The following SELENOF variants were observed in gnomAD, a reference collection of about 807,000 sequenced individuals.
The protein encoded by SELENOF is 15 kDa selenoprotein.
SELENOF carries 16 observed loss-of-function variants against 20.5 expected under a neutral mutation model. That is an observed-to-expected ratio of 0.78 (90% CI 0.53 to 1.19). SELENOF has a LOEUF of 1.19. SELENOF is among the 50% of genes most tolerant of loss of function. The probability of loss-of-function intolerance (pLI) is 0.00; values close to 1 mark genes in which losing one functional copy is unlikely to be tolerated. For missense variants in SELENOF, 215 were observed against 194.2 expected (o/e 1.11, Z -0.64); for synonymous variants, 78 against 74.5 (o/e 1.05, Z -0.24).
intron 1 of SELENOF, among the ~76,000 whole-genome samples, chr1:86,909,491 A>C (rs1473215848): frequency 6.6e-6 from 1 of 152,212 alleles, no homozygotes; most frequent in Non-Finnish European, 1.5e-5. Context: ...TGGAGCAACA[A>C]CACAAATGAA....
At chr1:86,864,097 A>G (rs1000831523) in intron 4 of SELENOF, among the ~76,000 whole-genome samples, 1 of 152,264 alleles carries the variant, frequency 6.6e-6, no homozygotes, top group Non-Finnish European at 1.5e-5. Context: ...ATGGAGGCAG[A>G]CAAGTTCAAA....
intron 1 of SELENOF, among the ~76,000 whole-genome samples, chr1:86,908,687 G>C (rs1659894041): frequency 6.6e-6 from 1 of 152,124 alleles, no homozygotes; most frequent in African/African-American, 2.4e-5. Context: ...GAAATGGAGT[G>C]GGGGGCATCT....
chr1:86,882,807 C>T (rs979967260), intron 2 of SELENOF, among the ~76,000 whole-genome samples: 1 of 152,166 alleles, frequency 6.6e-6, no homozygotes, highest in Admixed American at 6.5e-5. Context: ...ATACATACAA[C>T]AGAGCATTAT....
In SELENOF at chr1:86,886,682, C is replaced by T. The variant is rs537104047; in HGVS notation, c.253-5957G>A. 3.9e-5 allele frequency among the ~76,000 whole-genome samples: 6 copies of T among 152,060 alleles called. No homozygotes were observed. In the South Asian group the frequency reaches 1.0e-3, roughly 26 times the overall value. On this transcript the variant is annotated intron_variant, in intron 2 of 4. Coordinates refer to ENST00000331835, the MANE Select transcript of SELENOF (RefSeq NM_004261.5). ...ACCATTAGCATAATAATTATAAATG[C>T]TATGTAGCAATATGAAGAAAATGCT...
intron 1 of SELENOF, among the ~76,000 whole-genome samples, chr1:86,904,222 C>T (rs981353285): frequency 1.3e-5 from 2 of 152,190 alleles, no homozygotes; most frequent in East Asian, 1.9e-4. Flanking sequence ...GGCAAGAGCA[C>T]GCCAGAATTC....
At position 86,880,745 on chromosome 1, in the gene SELENOF, A is replaced by T. The variant is rs1659046710; in HGVS notation, c.253-20T>A. On this transcript the variant is annotated intron_variant, in intron 2 of 4. Transcript: ENST00000331835. ...ATACAGCTACAAAAGGAAAAACAGG[A>T]ATTTAAAAAACTGGTATAAATTAAA... 2 of 1,494,384 alleles carry T rather than the reference A, an allele frequency of 1.3e-6. No homozygotes were observed. The highest frequency in any genetic ancestry group is 4.3e-5 in the Admixed American group (2 of 46,002). The allele number at this position is 1,494,384 out of a possible 1,614,324, so 92.6% of individuals were successfully genotyped here. A position where few individuals can be genotyped will look rare whatever the true frequency, so the allele number is the denominator to read the frequency against.
chr1:86,903,010 A>C (rs1478645702), intron 2 of SELENOF, among the ~76,000 whole-genome samples: 1 of 152,222 alleles, frequency 6.6e-6, no homozygotes, highest in Non-Finnish European at 1.5e-5. Flanking sequence ...AGTTAGGAAG[A>C]CTGGAGAACT....
chr1:86,880,524 A>AC (rs5775923), intron 3 of SELENOF, 138 bp downstream of exon 3: 40,350 of 513,356 alleles, frequency 0.079, 2,598 homozygotes, highest in African/African-American at 0.25. Flanking sequence ...CCATGAAAAC[A>AC]AATTGAAAAA....
At chr1:86,879,535 T>C (rs888410536) in intron 3 of SELENOF, among the ~76,000 whole-genome samples, 1 of 152,194 alleles carries the variant, frequency 6.6e-6, no homozygotes, top group Non-Finnish European at 1.5e-5. Flanking sequence ...CATGTGCTAA[T>C]ACAGGCAATG....
chr1:86,907,911 G>A (rs914045288), intron 1 of SELENOF, among the ~76,000 whole-genome samples: 9 of 151,904 alleles, frequency 5.9e-5, no homozygotes, highest in South Asian at 2.1e-4. Flanking sequence ...GCTTGAACCC[G>A]GGAGGCGGAG....
At chr1:86,894,782 A>T (rs1474955698) in intron 2 of SELENOF, among the ~76,000 whole-genome samples, 1 of 152,154 alleles carries the variant, frequency 6.6e-6, no homozygotes, top group Non-Finnish European at 1.5e-5. Context: ...GGCTGCTGTG[A>T]GCTATGACTG....
chr1:86,863,628 C>T lies in SELENOF; in HGVS notation c.367-23G>A, dbSNP rs17129605. On this transcript the variant is annotated intron_variant, in intron 4 of 4. Coordinates refer to ENST00000331835, the MANE Select transcript of SELENOF (RefSeq NM_004261.5). ...ATACTACAAAAAAGAGGGACGTCAT[C>T]ATTACTTTCTGTTCAGAAACAACCT... 4.3e-3 allele frequency: 6,917 copies of T among 1,608,010 alleles called. 270 individuals carry two copies. The African/African-American group carries it at 0.082, about 19-fold the overall frequency.
At chr1:86,911,692 CAAA>C (rs1219841850) in intron 1 of SELENOF, among the ~76,000 whole-genome samples, 2 of 151,570 alleles carry the variant, frequency 1.3e-5, no homozygotes, top group Admixed American at 6.6e-5. Context: ...ACTGTGGAAA[CAAA>C]ATTATTAAGT....
chr1:86,863,741 T>C, intron 4 of SELENOF, 136 bp from the exon 5 acceptor site: 1 of 701,654 alleles, frequency 1.4e-6, no homozygotes, highest in Non-Finnish European at 2.2e-6. Context: ...TAAACAAGTC[T>C]TAAAGGAAAT....
chr1:86,864,924 C>T (rs1658553762), intron 4 of SELENOF, among the ~76,000 whole-genome samples: 1 of 151,988 alleles, frequency 6.6e-6, no homozygotes, highest in Non-Finnish European at 1.5e-5. Flanking sequence ...GTGGGAGCCA[C>T]CGCACCCAGC....
intron 2 of SELENOF, among the ~76,000 whole-genome samples, chr1:86,890,919 C>CT (rs1214542007): frequency 3.9e-5 from 6 of 151,990 alleles, no homozygotes; most frequent in African/African-American, 1.2e-4. Flanking sequence ...CTTAGTTCCC[C>CT]TTTCCTTCCA....
chr1:86,886,179 T>A (rs898771915), intron 2 of SELENOF, among the ~76,000 whole-genome samples: 1 of 152,150 alleles, frequency 6.6e-6, no homozygotes, highest in Admixed American at 6.5e-5. Context: ...ACATTACTGA[T>A]CCCTAAAACC....
At chr1:86,909,862 G>A (rs1659930233) in intron 1 of SELENOF, among the ~76,000 whole-genome samples, 1 of 151,970 alleles carries the variant, frequency 6.6e-6, no homozygotes, top group African/African-American at 2.4e-5. Context: ...AAAATTAGCT[G>A]GGCGTGGGGG....
intron 4 of SELENOF, among the ~76,000 whole-genome samples, chr1:86,865,286 A>C (rs1031488332): frequency 6.6e-6 from 1 of 152,186 alleles, no homozygotes; most frequent in Non-Finnish European, 1.5e-5. Flanking sequence ...CAGTAACAGG[A>C]CCACTCAAAC....
Sources: allele counts gnomAD v4.1 joint callset (sites outside exome capture counted in the v4.1 genomes callset), GRCh38; gene constraint gnomAD v4.1.1; transcripts MANE v1.5; gene names NCBI Gene and HGNC (gene_info 2026-07-23, HGNC 2026-07-21).